The following SLC4A9 variants were observed in gnomAD, a reference collection of about 807,000 sequenced individuals.
SLC4A9 encodes the protein anion exchange protein 4.
Under a neutral mutation model 103.2 loss-of-function variants are expected in SLC4A9, and 102 were observed. That is an observed-to-expected ratio of 0.99 (90% CI 0.84 to 1.17). The LOEUF (loss-of-function observed/expected upper bound fraction) is 1.17. Ranked by LOEUF, SLC4A9 falls within the 50% of genes most tolerant of loss-of-function variation. SLC4A9 has a pLI of 0.00. For missense variants in SLC4A9, 1,091 were observed against 1,193.7 expected, an observed-to-expected ratio of 0.91 and a Z score of 1.27; for synonymous variants, 453 against 483.6, an observed-to-expected ratio of 0.94 and a Z score of 0.83.
In SLC4A9 at chr5:140,374,829, G is replaced by T. The variant is rs1386892314; in HGVS notation, c.*48G>T. ...TTGGCCTTTGGCTTAACTTCCAGAT[G>T]CTCAGTCGGCTTGGGGAAGGACTGA... is the stretch of plus-strand genomic sequence containing the variant. On this transcript the variant is annotated splice_region_variant and 3_prime_UTR_variant, in exon 22 of 22. Transcript: ENST00000506757. The T allele has an allele frequency of 6.6e-6, 1 of 152,152 alleles. No homozygotes were observed. Among genetic ancestry groups the T allele is most frequent in the Admixed American group, 6.6e-5 (1 of 15,266 alleles). 9.4% of individuals were successfully genotyped at this position (152,152 alleles called of 1,614,324 possible).
At chr5:140,362,808 C>A in intron 6 of SLC4A9, 104 bp from the exon 7 acceptor site, 2 of 1,425,518 alleles carry the variant, frequency 1.4e-6, no homozygotes, top group Non-Finnish European at 2.0e-6. Context: ...GTGTGAATGA[C>A]TTGTCTGCCT....
At position 140,363,397 on chromosome 5, in the gene SLC4A9, G is replaced by C; in HGVS notation, c.963-42G>C. 6.5e-7 allele frequency: 1 copy of C among 1,528,794 alleles called. No individual in the cohort carries two copies. The highest frequency in any genetic ancestry group is 8.9e-7 in the Non-Finnish European group (1 of 1,127,564). 94.7% of individuals were successfully genotyped at this position (1,528,794 alleles called of 1,614,324 possible). A position where few individuals can be genotyped will look rare whatever the true frequency, so the allele number is the denominator to read the frequency against. The stretch of plus-strand genomic sequence containing the variant: ...GAGCTCTGGACCGAGTCGCAGACTG[G>C]TTGGAGATCCTCAGCCAACCTGGGG... On this transcript the variant is annotated intron_variant, in intron 7 of 21. Transcript: ENST00000506757. The surrounding 1 kb of genome is among the most constrained non-coding windows in gnomAD (Gnocchi z 4.5).
Position 140,372,667 on chromosome 5 carries a change from T to G in SLC4A9, c.2827-78T>G, listed in dbSNP as rs1768890644. ...CTCTGATCTTTGTTTTGTCTCACTG[T>G]GGGTTTACCTCTATGTTGTCTTTCA... On this transcript the variant is annotated intron_variant, in intron 20 of 21. Coordinates refer to ENST00000506757, the MANE Select transcript of SLC4A9 (RefSeq NM_031467.3). The G allele has an allele frequency of 6.2e-6, 9 of 1,458,600 alleles. No individual in the cohort carries two copies. In the South Asian group the frequency reaches 1.3e-4, roughly 21 times the overall value. 90.4% of individuals were successfully genotyped at this position (1,458,600 alleles called of 1,614,324 possible).
In SLC4A9 at chr5:140,367,774, A is replaced by T. The variant is rs759004870; in HGVS notation, c.2230A>T (p.Thr744Ser). ...LFCVAVLMLLTSALGLPWYVS... is the reference protein window; with the variant it reads ...LFCVAVLMLLSSALGLPWYVS... ...CTGTGTGGCTGTGCTGATGCTACTC[A>T]CATCAGCGCTTGGACTGCCTTGGTA... Residue 744 changes from threonine to serine, a missense_variant, in exon 16 of 22, where the codon ACA becomes TCA. Thr to Ser is a moderately conservative substitution (Grantham distance 58). Coordinates refer to ENST00000506757, the MANE Select transcript of SLC4A9 (RefSeq NM_031467.3). 6.2e-7 allele frequency: 1 copy of T among 1,613,824 alleles called. No individual in the cohort carries two copies. The highest frequency in any genetic ancestry group is 1.7e-5 in the Admixed American group (1 of 60,002).
chr5:140,361,966 T>C lies in SLC4A9; in HGVS notation c.562-51T>C, dbSNP rs977258145. The C allele has an allele frequency of 2.5e-6, 4 of 1,613,126 alleles. No individual in the cohort carries two copies. The African/African-American group carries it at 4.0e-5, about 16-fold the overall frequency. On this transcript the variant is annotated intron_variant, in intron 4 of 21. Coordinates refer to ENST00000506757, the MANE Select transcript of SLC4A9 (RefSeq NM_031467.3). ...GGATTTCTCATCATTTGAGATCTTA[T>C]CCTCCCCAAATAACCTTTCATATTC...
chr5:140,367,614 G>A, intron 15 of SLC4A9, 33 bp downstream of exon 15: 2 of 1,599,300 alleles, frequency 1.3e-6, no homozygotes, highest in South Asian at 1.1e-5. Context: ...CAAGACCAAG[G>A]GACAGAAGCT....
chr5:140,371,070 A>G (rs1768646693), intron 17 of SLC4A9, 25 bp from the exon 18 acceptor site: 1 of 1,600,332 alleles, frequency 6.2e-7, no homozygotes, highest in South Asian at 1.1e-5. Flanking sequence ...GTAAACTTTG[A>G]TAACTCTCTG....
At chr5:140,368,687 G>A (rs780429234) in intron 17 of SLC4A9, 28 bp downstream of exon 17, 8 of 1,598,118 alleles carry the variant, frequency 5.0e-6, no homozygotes, top group Non-Finnish European at 6.9e-6. Context: ...GCCAGGATCA[G>A]GGTCAGTGTA....
intron 17 of SLC4A9, among the ~76,000 whole-genome samples, chr5:140,369,793 G>A (rs1319268457): frequency 6.6e-6 from 1 of 151,982 alleles, no homozygotes; most frequent in African/African-American, 2.4e-5. Context: ...CTTGAGCTCA[G>A]GAGTTTGAGA....
At chr5:140,372,962 CT>C in intron 21 of SLC4A9, 119 bp downstream of exon 21, 1 of 572,622 alleles carries the variant, frequency 1.7e-6, no homozygotes, top group Non-Finnish European at 2.9e-6. Flanking sequence ...CTTAGGAATC[CT>C]AGATTGGGGG....
At chr5:140,361,144 C>A in intron 2 of SLC4A9, 110 bp from the exon 3 acceptor site, 1 of 1,216,094 alleles carries the variant, frequency 8.2e-7, no homozygotes, top group Non-Finnish European at 1.2e-6. Context: ...TTCATTGGCC[C>A]TGGCATTCTG....
At chr5:140,367,947 G>A in intron 16 of SLC4A9, 49 bp downstream of exon 16, 2 of 1,596,048 alleles carry the variant, frequency 1.3e-6, no homozygotes, top group Non-Finnish European at 1.7e-6. Context: ...AGCAAGGTAA[G>A]GCAAAGGGGA....
chr5:140,371,892 C>A (rs1341876569), intron 19 of SLC4A9, among the ~76,000 whole-genome samples: 1 of 152,188 alleles, frequency 6.6e-6, no homozygotes, highest in Non-Finnish European at 1.5e-5. Context: ...AATCTGAGGT[C>A]TTGGTAGAGG....
chr5:140,372,241 G>A lies in SLC4A9; in HGVS notation c.2671-1G>A. ...CCTGGGCCATGTTTCTATTCCTGCA[G>A]TTGCTGGGCCTTGTGGGGGTCCGAA... On this transcript the variant is annotated splice_acceptor_variant, in intron 19 of 21. Transcript: ENST00000506757. LOFTEE classifies it high-confidence loss of function. 1 of 1,551,808 alleles carries A rather than the reference G, an allele frequency of 6.4e-7. No individual in the cohort carries two copies. The highest frequency in any genetic ancestry group is 2.3e-5 in the East Asian group (1 of 43,240).
Position 140,363,469 on chromosome 5 carries a change from T to C in SLC4A9, c.993T>C (p.Gly331=). The C allele has an allele frequency of 3.2e-6, 5 of 1,550,950 alleles. No homozygotes were observed. The highest frequency in any genetic ancestry group is 4.4e-6 in the Non-Finnish European group (5 of 1,146,966). The change falls in exon 8 of 22, where the codon GGT becomes GGC. Residue 331 remains glycine, a synonymous_variant. Transcript: ENST00000506757. The surrounding 1 kb of genome is among the most constrained non-coding windows in gnomAD (Gnocchi z 4.5). ...CCTCGCAACAGCGGGAGATCAGAGG[T>C]CCCGCCGTCCCGCGCCTGACCTCGG... ...RLPSQQREIR[G]PAVPRLTSAE...
chr5:140,366,339 T>C, intron 14 of SLC4A9, 75 bp downstream of exon 14: 1 of 976,690 alleles, frequency 1.0e-6, no homozygotes, highest in Non-Finnish European at 1.5e-6. Flanking sequence ...GGAAAATGAA[T>C]AAATCCCACA....
rs367801167 is a variant in SLC4A9, at chr5:140,363,040, C to A, written c.936C>A (p.Pro312=). The A allele has an allele frequency of 4.3e-6, 7 of 1,613,148 alleles. No homozygotes were observed. The African/African-American group carries it at 9.4e-5, about 22-fold the overall frequency. The change falls in exon 7 of 22, where the codon CCC becomes CCA. Residue 312 remains proline (P), a synonymous_variant. Transcript: ENST00000506757. The surrounding 1 kb of genome is among the most constrained non-coding windows in gnomAD (Gnocchi z 4.5). ...ACCCAACAGCCCGGATTCCCCCGCC[C>A]AAATGTCTGCCATCTCAGCACAAAA... ...RWDPTARIPP[P]KCLPSQHKRL... is the part of the protein sequence containing the mutation.
At chr5:140,366,672 T>C (rs1767936983) in intron 14 of SLC4A9, among the ~76,000 whole-genome samples, 1 of 152,214 alleles carries the variant, frequency 6.6e-6, no homozygotes. Context: ...TTACAGAAGA[T>C]CACAGTGGAA....
intron 21 of SLC4A9, among the ~76,000 whole-genome samples, chr5:140,374,153 C>T (rs1247487192): frequency 1.3e-5 from 2 of 152,046 alleles, no homozygotes; most frequent in African/African-American, 4.8e-5. Flanking sequence ...TGTGCCACTG[C>T]ACTCCAGCCT....
Sources: allele counts gnomAD v4.1 joint callset (sites outside exome capture counted in the v4.1 genomes callset), GRCh38; gene constraint gnomAD v4.1.1; non-coding constraint Gnocchi (gnomAD v3.1); transcripts MANE v1.5; gene names NCBI Gene and HGNC (gene_info 2026-07-23, HGNC 2026-07-21).